The following LRP1B variants were observed in gnomAD, a reference collection of about 807,000 sequenced individuals.
LRP1B encodes the protein low-density lipoprotein receptor-related protein 1B.
A neutral mutation model predicts 556.6 loss-of-function variants in LRP1B; 217 were observed. The observed-to-expected ratio is 0.39, with a 90% CI of 0.35 to 0.44. The LOEUF (loss-of-function observed/expected upper bound fraction) is 0.44, where lower values mean the gene tolerates loss of function less well. LRP1B is among the 20% of genes least tolerant of loss of function. The probability of loss-of-function intolerance (pLI) is 1.00; values close to 1 mark genes in which losing one functional copy is unlikely to be tolerated. For synonymous variants in LRP1B, 2,047 were observed against 1,865.8 expected (o/e 1.10, Z -2.50); for missense variants, 5,053 against 5,620.8 (o/e 0.90, Z 3.23).
chr2:141,078,313 T>C (rs201152496), intron 7 of LRP1B, among the ~76,000 whole-genome samples: 1 of 146,458 alleles, frequency 6.8e-6, no homozygotes, highest in African/African-American at 2.5e-5. Flanking sequence ...ATTTTTTTTT[T>C]CCTTAAGAAA....
chr2:140,457,108 C>T (rs1687136857), intron 61 of LRP1B, among the ~76,000 whole-genome samples: 1 of 152,110 alleles, frequency 6.6e-6, no homozygotes, highest in Non-Finnish European at 1.5e-5. Flanking sequence ...AACCCTAGAG[C>T]TACTTAAGCA....
chr2:140,376,027 T>G (rs539875978), intron 68 of LRP1B, among the ~76,000 whole-genome samples: 3,389 of 151,902 alleles, frequency 0.022, 45 homozygotes, highest in African/African-American at 0.035. Context: ...TTTTTTTTTG[T>G]TCTAGACTGT....
chr2:141,102,551 T>C (rs1030071816), intron 7 of LRP1B, among the ~76,000 whole-genome samples: 1 of 152,096 alleles, frequency 6.6e-6, no homozygotes, highest in African/African-American at 2.4e-5. Flanking sequence ...TTCTCCCTGT[T>C]GTCCACAACT....
chr2:142,023,363 T>A (rs1489112362), intron 1 of LRP1B, among the ~76,000 whole-genome samples: 2 of 152,208 alleles, frequency 1.3e-5, no homozygotes, highest in Admixed American at 6.5e-5. Context: ...GGAGTGAGGA[T>A]AACCCAGCTG....
chr2:142,005,765 T>C (rs1012525220), intron 1 of LRP1B, among the ~76,000 whole-genome samples: 5 of 152,020 alleles, frequency 3.3e-5, no homozygotes, highest in African/African-American at 1.2e-4. Context: ...TTTCTCTAGT[T>C]ATTCACCTTT....
chr2:141,140,575 AC>A (rs966359466), intron 7 of LRP1B, among the ~76,000 whole-genome samples: 1 of 152,122 alleles, frequency 6.6e-6, no homozygotes, highest in Non-Finnish European at 1.5e-5. Context: ...GAGAAAACAT[AC>A]CAGAAATGCA....
intron 1 of LRP1B, among the ~76,000 whole-genome samples, chr2:141,894,972 C>G (rs1699403169): frequency 7.0e-6 from 1 of 142,600 alleles, no homozygotes; most frequent in African/African-American, 2.6e-5. Flanking sequence ...CGCCTGAACC[C>G]AAGAGGCGGA....
chr2:141,248,621 C>T (rs951626813), intron 4 of LRP1B, among the ~76,000 whole-genome samples: 2 of 152,122 alleles, frequency 1.3e-5, no homozygotes, highest in African/African-American at 4.8e-5. Flanking sequence ...TGAAGGAAAG[C>T]GGCAGAAGAG....
At chr2:141,468,217 A>C (rs939584007) in intron 3 of LRP1B, among the ~76,000 whole-genome samples, 1 of 152,138 alleles carries the variant, frequency 6.6e-6, no homozygotes, top group Non-Finnish European at 1.5e-5. Context: ...AGATGGGTGG[A>C]ATACAACCCT....
chr2:140,658,015 C>T (rs1292655776), intron 41 of LRP1B, among the ~76,000 whole-genome samples: 1 of 151,982 alleles, frequency 6.6e-6, no homozygotes, highest in Non-Finnish European at 1.5e-5. Flanking sequence ...TGAAAACTTC[C>T]ATAATAAAAC....
intron 49 of LRP1B, 55 bp downstream of exon 49, chr2:140,525,789 G>C (rs2104966542): frequency 6.4e-7 from 1 of 1,557,488 alleles, no homozygotes; most frequent in Non-Finnish European, 8.7e-7. Flanking sequence ...TATACAACCA[G>C]GTAGCCTCAA....
At chr2:141,148,895 C>T (rs1261012555) in intron 7 of LRP1B, among the ~76,000 whole-genome samples, 1 of 151,996 alleles carries the variant, frequency 6.6e-6, no homozygotes, top group African/African-American at 2.4e-5. Flanking sequence ...ACCAGCCTGG[C>T]CAACATAGTG....
intron 1 of LRP1B, among the ~76,000 whole-genome samples, chr2:141,910,324 A>C (rs1286922592): frequency 6.6e-6 from 1 of 152,028 alleles, no homozygotes; most frequent in African/African-American, 2.4e-5. Flanking sequence ...GTACTGCCAA[A>C]CTGACAGCCA....
At chr2:141,731,691 A>C (rs1394644061) in intron 2 of LRP1B, among the ~76,000 whole-genome samples, 1 of 152,108 alleles carries the variant, frequency 6.6e-6, no homozygotes, top group Non-Finnish European at 1.5e-5. Context: ...GTTCAAAGCC[A>C]GACTCCACCA....
At chr2:140,289,114 A>C (rs1157429333) in intron 84 of LRP1B, among the ~76,000 whole-genome samples, 2 of 151,986 alleles carry the variant, frequency 1.3e-5, no homozygotes, top group African/African-American at 4.8e-5. Context: ...ATTACTAAAT[A>C]TAATTACTAA....
intron 18 of LRP1B, among the ~76,000 whole-genome samples, chr2:140,963,874 CGGTG>C (rs1248018055): frequency 6.6e-6 from 1 of 152,068 alleles, no homozygotes; most frequent in Non-Finnish European, 1.5e-5. Flanking sequence ...CCCACAGGGT[CGGTG>C]GGTCTCTCCC....
chr2:140,572,389 A>T (rs980264394), intron 43 of LRP1B, among the ~76,000 whole-genome samples: 2 of 151,814 alleles, frequency 1.3e-5, no homozygotes, highest in Admixed American at 6.6e-5. Flanking sequence ...CAGGTATCTG[A>T]AAAAACGGTC....
In LRP1B at chr2:142,129,578, CTCTCTT is replaced by C. The variant is rs1319646373; in HGVS notation, c.82+1064_82+1069del. ...TTGGCATTGGGATCTGGGTTTCTTT[CTCTCTT>C]TCTCTCTCTCTCTCTCTCTCTCTCT... On this transcript the variant is annotated intron_variant, in intron 1 of 90. Coordinates refer to ENST00000389484, the MANE Select transcript of LRP1B (RefSeq NM_018557.3). 2.1e-4 allele frequency among the ~76,000 whole-genome samples: 22 copies of C among 106,674 alleles called. No homozygotes were observed. In the South Asian group the frequency reaches 2.7e-3, roughly 13 times the overall value. The allele number at this position is 106,674 out of a possible 152,430, so 70.0% of individuals were successfully genotyped here.
At chr2:140,906,818 T>C (rs950503289) in intron 22 of LRP1B, among the ~76,000 whole-genome samples, 1 of 152,084 alleles carries the variant, frequency 6.6e-6, no homozygotes, top group African/African-American at 2.4e-5. Flanking sequence ...ATCTTTTATT[T>C]ATAACCTTTT....
Sources: allele counts gnomAD v4.1 joint callset (sites outside exome capture counted in the v4.1 genomes callset), GRCh38; gene constraint gnomAD v4.1.1; transcripts MANE v1.5; gene names NCBI Gene and HGNC (gene_info 2026-07-23, HGNC 2026-07-21).